HACD2: variants seen among roughly 807,000 people sequenced by gnomAD.
HACD2 encodes the protein 3-hydroxyacyl-CoA dehydratase 2.
HACD2 carries 15 observed loss-of-function variants against 31.0 expected under a neutral mutation model. The ratio of observed to expected loss-of-function variants is 0.48; its 90% confidence interval spans 0.32 to 0.75. HACD2 has a LOEUF of 0.75. Ranked by LOEUF, HACD2 falls within the 30% of genes least tolerant of loss-of-function variation. HACD2 has a pLI of 0.03. For synonymous variants in HACD2, 115 were observed against 122.2 expected, an observed-to-expected ratio of 0.94 and a Z score of 0.39; for missense variants, 283 against 313.0, an observed-to-expected ratio of 0.90 and a Z score of 0.72.
intron 3 of HACD2, among the ~76,000 whole-genome samples, chr3:123,559,378 T>C (rs1481745671): frequency 6.6e-6 from 1 of 152,228 alleles, no homozygotes. Flanking sequence ...GTACTTGAAA[T>C]GAATTTCCAA....
chr3:123,538,042 G>A (rs1055732462), intron 3 of HACD2, among the ~76,000 whole-genome samples: 1 of 152,158 alleles, frequency 6.6e-6, no homozygotes, highest in East Asian at 1.9e-4. Context: ...AAATGGAGAA[G>A]GATGGGATAT....
chr3:123,539,940 A>AG (rs2056469014), intron 3 of HACD2, among the ~76,000 whole-genome samples: 1 of 148,494 alleles, frequency 6.7e-6, no homozygotes, highest in African/African-American at 2.5e-5. Flanking sequence ...AAAAAAAAAA[A>AG]GACAGGCATA....
intron 3 of HACD2, among the ~76,000 whole-genome samples, chr3:123,565,853 C>T (rs1232799551): frequency 1.3e-5 from 2 of 152,030 alleles, no homozygotes; most frequent in Admixed American, 1.3e-4. Context: ...TTTTTCATTT[C>T]AAAATTAAAA....
chr3:123,556,098 G>A (rs1295527624), intron 3 of HACD2, among the ~76,000 whole-genome samples: 1 of 151,864 alleles, frequency 6.6e-6, no homozygotes, highest in Non-Finnish European at 1.5e-5. Context: ...CTGAGGCCAG[G>A]AATTTGAGAC....
chr3:123,577,258 T>C (rs972900568), intron 2 of HACD2, among the ~76,000 whole-genome samples: 3 of 152,216 alleles, frequency 2.0e-5, no homozygotes, highest in Non-Finnish European at 4.4e-5. Context: ...TTAACCTCTT[T>C]GCAGAGCAAT....
chr3:123,564,915 A>G (rs570534732), intron 3 of HACD2, among the ~76,000 whole-genome samples: 1 of 152,236 alleles, frequency 6.6e-6, no homozygotes, highest in South Asian at 2.1e-4. Context: ...ATGAAACAGA[A>G]TCTGCCCTCG....
In HACD2 at chr3:123,494,827, A is replaced by G. The variant is rs550229764; in HGVS notation, c.*61T>C. 7.4e-5 allele frequency: 83 copies of G among 1,116,614 alleles called. No individual in the cohort carries two copies. In the African/African-American group the frequency reaches 1.1e-3, roughly 15 times the overall value. 69.2% of individuals were successfully genotyped at this position (1,116,614 alleles called of 1,614,324 possible). On this transcript the variant is annotated 3_prime_UTR_variant, in exon 7 of 7. Coordinates refer to ENST00000383657, the MANE Select transcript of HACD2 (RefSeq NM_198402.5). ...ATGAAACGTATTGGGAACTCAAAAA[A>G]TCTGCAGCATTTTTTGATCATTGAA...
intron 3 of HACD2, among the ~76,000 whole-genome samples, chr3:123,553,625 G>A (rs993701525): frequency 6.6e-6 from 1 of 152,174 alleles, no homozygotes; most frequent in South Asian, 2.1e-4. Context: ...GATTCCCAAA[G>A]AGCTTCCATT....
chr3:123,532,433 A>T (rs369085214), intron 3 of HACD2, among the ~76,000 whole-genome samples: 2 of 152,306 alleles, frequency 1.3e-5, no homozygotes. Flanking sequence ...TCTATCCCTG[A>T]ATTTAAGCTA....
At chr3:123,551,196 A>G (rs1425013638) in intron 3 of HACD2, among the ~76,000 whole-genome samples, 1 of 152,032 alleles carries the variant, frequency 6.6e-6, no homozygotes, top group Non-Finnish European at 1.5e-5. Context: ...TCGGCGAAAC[A>G]TTTGTCACAC....
intron 3 of HACD2, 32 bp downstream of exon 3, chr3:123,567,730 T>G (rs370230529): frequency 7.5e-7 from 1 of 1,335,964 alleles, no homozygotes; most frequent in African/African-American, 1.5e-5. Context: ...CAGAATTCAC[T>G]GTACATAGTA....
intron 3 of HACD2, among the ~76,000 whole-genome samples, chr3:123,565,720 TG>T (rs1416912192): frequency 6.6e-6 from 1 of 152,166 alleles, no homozygotes; most frequent in African/African-American, 2.4e-5. Flanking sequence ...TGAGGAAGAA[TG>T]AGGCAGGGTT....
chr3:123,574,178 T>C (rs2056884531), intron 2 of HACD2, among the ~76,000 whole-genome samples: 1 of 152,262 alleles, frequency 6.6e-6, no homozygotes, highest in African/African-American at 2.4e-5. Flanking sequence ...TCATTCATCA[T>C]ATGATTTCAC....
intron 2 of HACD2, among the ~76,000 whole-genome samples, chr3:123,577,935 T>G (rs1455041922): frequency 6.6e-6 from 1 of 152,152 alleles, no homozygotes; most frequent in East Asian, 1.9e-4. Flanking sequence ...ATCTAGTGGT[T>G]TTTAATATGT....
chr3:123,570,103 C>T (rs1576238228), intron 2 of HACD2, among the ~76,000 whole-genome samples: 1 of 142,260 alleles, frequency 7.0e-6, no homozygotes, highest in East Asian at 2.1e-4. Context: ...AGCATGTCTT[C>T]TTTGCATGAC....
intron 4 of HACD2, among the ~76,000 whole-genome samples, chr3:123,522,409 T>A (rs2056227823): frequency 6.6e-6 from 1 of 151,040 alleles, no homozygotes; most frequent in Non-Finnish European, 1.5e-5. Flanking sequence ...TTTTTCAATA[T>A]TTTGAAATAA....
In HACD2 at chr3:123,492,628, A is replaced by G. The variant is rs1387663848; in HGVS notation, c.*2260T>C. The G allele has an allele frequency of 6.6e-6, 1 of 152,218 alleles. No individual in the cohort carries two copies. Among genetic ancestry groups the G allele is most frequent in the African/African-American group, 2.4e-5 (1 of 41,456 alleles). The allele number at this position is 152,218 out of a possible 1,614,324, so 9.4% of individuals were successfully genotyped here. ...TGCTGTGTTCTCATTGCCAAAGTTC[A>G]ATTCAATGCAACACCACTGTTTGCA... On this transcript the variant is annotated 3_prime_UTR_variant, in exon 7 of 7. Coordinates refer to ENST00000383657, the MANE Select transcript of HACD2 (RefSeq NM_198402.5).
chr3:123,520,434 G>A (rs1038421451), intron 4 of HACD2, among the ~76,000 whole-genome samples: 1 of 152,128 alleles, frequency 6.6e-6, no homozygotes, highest in Non-Finnish European at 1.5e-5. Flanking sequence ...GTCACATGTG[G>A]CTATTTAAAA....
chr3:123,538,708 T>G (rs991559731), intron 3 of HACD2, among the ~76,000 whole-genome samples: 3 of 152,226 alleles, frequency 2.0e-5, no homozygotes, highest in African/African-American at 7.2e-5. Context: ...TAACTTAGTG[T>G]GAGCAACTGC....
Sources: gnomAD v4.1 joint callset for allele counts (sites outside exome capture counted in the v4.1 genomes callset) on GRCh38, gnomAD v4.1.1 for gene constraint, MANE v1.5 for transcripts, NCBI Gene and HGNC (gene_info 2026-07-23, HGNC 2026-07-21) for gene names.